The following ANKRD30B variants were observed in gnomAD, a reference collection of about 807,000 sequenced individuals.
The protein encoded by ANKRD30B is ankyrin repeat domain-containing protein 30B.
ANKRD30B carries 144 observed loss-of-function variants against 202.2 expected under a neutral mutation model. That is an observed-to-expected ratio of 0.71 (90% CI 0.62 to 0.82). ANKRD30B has a LOEUF of 0.82. Ranked by LOEUF, ANKRD30B falls within the 40% of genes least tolerant of loss-of-function variation. ANKRD30B has a pLI of 0.00. For missense variants in ANKRD30B, 1,487 were observed against 1,669.1 expected, an observed-to-expected ratio of 0.89 and a Z score of 1.90; for synonymous variants, 508 against 561.3, an observed-to-expected ratio of 0.91 and a Z score of 1.34.
At chr18:14,772,654 C>T (rs555653383) in intron 9 of ANKRD30B, among the ~76,000 whole-genome samples, 1 of 149,510 alleles carries the variant, frequency 6.7e-6, no homozygotes, top group Non-Finnish European at 1.5e-5. Context: ...TTATAGTAAT[C>T]AAGGAATCTC....
intron 8 of ANKRD30B, among the ~76,000 whole-genome samples, chr18:14,770,035 A>G (rs1438057602): frequency 6.6e-6 from 1 of 152,202 alleles, no homozygotes; most frequent in Admixed American, 6.5e-5. Flanking sequence ...AGAATTCTCT[A>G]TTGACTGACT....
chr18:14,909,228 T>A, the ANKRD30B span, among the ~76,000 whole-genome samples: 1 of 152,182 alleles, frequency 6.6e-6, no homozygotes, highest in Non-Finnish European at 1.5e-5. Context: ...AACTCTGTGC[T>A]TGTTAAGGGT....
intron 33 of ANKRD30B, 26 bp downstream of exon 33, chr18:14,828,334 G>A (rs564153190): frequency 1.7e-5 from 25 of 1,489,374 alleles, no homozygotes; most frequent in South Asian, 2.5e-5. Flanking sequence ...TTTTTAAAAC[G>A]TATATGTTAA....
chr18:14,889,035 C>T, the ANKRD30B span: 11 of 444,340 alleles, frequency 2.5e-5, no homozygotes, highest in Admixed American at 4.6e-4. Context: ...ATTGAGCAGG[C>T]CTAATGTGGA....
intron 36 of ANKRD30B, among the ~76,000 whole-genome samples, chr18:14,838,155 T>G (rs146095018): frequency 1.6e-3 from 249 of 152,372 alleles, no homozygotes; most frequent in African/African-American, 5.7e-3. Context: ...TGTAGAATAG[T>G]GCAAAACAAA....
chr18:14,899,550 A>T, the ANKRD30B span, among the ~76,000 whole-genome samples: 1 of 152,136 alleles, frequency 6.6e-6, no homozygotes, highest in Non-Finnish European at 1.5e-5. Context: ...CATAAATAAA[A>T]CATTGCAGGG....
the ANKRD30B span, among the ~76,000 whole-genome samples, chr18:14,869,667 A>G: frequency 6.6e-6 from 1 of 151,080 alleles, no homozygotes; most frequent in Non-Finnish European, 1.5e-5. Context: ...TAGCTGCTAC[A>G]TTGCAGGTAT....
chr18:14,783,562 A>C (rs564968665), intron 12 of ANKRD30B, among the ~76,000 whole-genome samples: 1 of 152,288 alleles, frequency 6.6e-6, no homozygotes, highest in Admixed American at 6.5e-5. Context: ...GACAAATTGT[A>C]GGAACTAAAA....
At chr18:14,897,833 A>G in the ANKRD30B span, among the ~76,000 whole-genome samples, 1 of 152,212 alleles carries the variant, frequency 6.6e-6, no homozygotes, top group Non-Finnish European at 1.5e-5. Context: ...ACATGCAGCC[A>G]GAATCTGCTC....
chr18:14,902,724 C>A, the ANKRD30B span, among the ~76,000 whole-genome samples: 1 of 152,154 alleles, frequency 6.6e-6, no homozygotes, highest in Non-Finnish European at 1.5e-5. Flanking sequence ...GACAATGAGG[C>A]CATTTCACTT....
the ANKRD30B span, among the ~76,000 whole-genome samples, chr18:14,882,757 C>G: frequency 5.3e-5 from 8 of 151,916 alleles, no homozygotes; most frequent in African/African-American, 1.9e-4. Context: ...CTTATGTCTA[C>G]TAGTAATTGT....
the ANKRD30B span, among the ~76,000 whole-genome samples, chr18:14,898,751 A>C: frequency 6.6e-6 from 1 of 152,160 alleles, no homozygotes; most frequent in Non-Finnish European, 1.5e-5. Flanking sequence ...TTACATTTAC[A>C]AGTAGCTCTG....
chr18:14,832,975 C>T (rs760759237), intron 34 of ANKRD30B, among the ~76,000 whole-genome samples: 11 of 152,150 alleles, frequency 7.2e-5, no homozygotes, highest in Non-Finnish European at 1.3e-4. Flanking sequence ...CTTGCTCTGT[C>T]GCCCAGGTTG....
At chr18:14,837,346 T>A in intron 35 of ANKRD30B, 57 bp downstream of exon 35, 1 of 1,413,816 alleles carries the variant, frequency 7.1e-7, no homozygotes, top group Non-Finnish European at 9.6e-7. Flanking sequence ...TTAGTGAATA[T>A]CTCTGAAAAT....
chr18:14,862,728 C>T, the ANKRD30B span, among the ~76,000 whole-genome samples: 1 of 152,208 alleles, frequency 6.6e-6, no homozygotes, highest in African/African-American at 2.4e-5. Context: ...CCTAGAAATA[C>T]CACAGGCACT....
intron 39 of ANKRD30B, among the ~76,000 whole-genome samples, chr18:14,846,329 TTTA>T (rs1341266443): frequency 6.6e-6 from 1 of 152,064 alleles, no homozygotes; most frequent in African/African-American, 2.4e-5. Flanking sequence ...CAGGTACATT[TTTA>T]TTATTGATTT....
Position 14,752,670 on chromosome 18 carries a change from C to G in ANKRD30B, c.326C>G (p.Pro109Arg). The change falls in exon 2 of 44, where the codon CCT (proline) becomes CGT (arginine). Residue 109 changes from proline (P) to arginine (R), a missense_variant. Around this residue, in one of 6 missense-constraint regions of ANKRD30B, gnomAD observed 889 missense variants for 841.4 expected, o/e 1.06. Transcript: ENST00000690538. Reference sequence around the variant, plus strand: ...GTCCTTGATGGCGAAGGGAGGACACCTCTGATGAAGGTAAATAGTAGCCAG... The same window carrying G: ...GTCCTTGATGGCGAAGGGAGGACACGTCTGATGAAGGTAAATAGTAGCCAG... ...LNVLDGEGRT[P>R]LMKALQCERE... The G allele has an allele frequency of 6.2e-7, 1 of 1,602,680 alleles. No homozygotes were observed. The highest frequency in any genetic ancestry group is 1.7e-4 in the Middle Eastern group (1 of 6,046).
chr18:14,753,356 A>G (rs1327540611), intron 3 of ANKRD30B, among the ~76,000 whole-genome samples: 1 of 152,196 alleles, frequency 6.6e-6, no homozygotes, highest in Non-Finnish European at 1.5e-5. Context: ...AATTTAGGAT[A>G]CGTGCAGAAA....
At chr18:14,827,812 A>G (rs1425661023) in intron 32 of ANKRD30B, among the ~76,000 whole-genome samples, 2 of 152,174 alleles carry the variant, frequency 1.3e-5, no homozygotes, top group Non-Finnish European at 2.9e-5. Context: ...GATGATGACT[A>G]TTGTACACTG....
Sources: allele counts gnomAD v4.1 joint callset (sites outside exome capture counted in the v4.1 genomes callset), GRCh38; gene constraint gnomAD v4.1.1; regional missense constraint gnomAD v4.1.1; transcripts MANE v1.5; gene names NCBI Gene and HGNC (gene_info 2026-07-23, HGNC 2026-07-21).